Variants in TRAPPC10 observed in about 807,000 individuals in gnomAD.
The protein encoded by TRAPPC10 is TRAPP 130 kDa subunit.
TRAPPC10 carries 23 observed loss-of-function variants against 125.5 expected under a neutral mutation model. The observed-to-expected ratio is 0.18, with a 90% CI of 0.13 to 0.26. TRAPPC10 has a LOEUF of 0.26. Ranked by LOEUF, TRAPPC10 falls within the 10% of genes least tolerant of loss-of-function variation. TRAPPC10 has a pLI of 1.00. For synonymous variants in TRAPPC10, 509 were observed against 518.0 expected (o/e 0.98, Z 0.24); for missense variants, 1,123 against 1,308.4 (o/e 0.86, Z 2.19).
chr21:44,055,592 A>AG (rs2035528572), intron 4 of TRAPPC10, 106 bp from the exon 5 acceptor site: 4 of 887,956 alleles, frequency 4.5e-6, no homozygotes, highest in Middle Eastern at 3.9e-4. Flanking sequence ...AAAAAAAAAA[A>AG]AGGAGGAGGA....
In TRAPPC10 at chr21:44,062,250, A is replaced by G. The variant is rs1048522828; in HGVS notation, c.791-1288A>G. Among the ~76,000 whole-genome samples the G allele has an allele frequency of 3.3e-5, 5 of 152,266 alleles. No homozygotes were observed. In the East Asian group the frequency reaches 9.6e-4, roughly 29 times the overall value. Reference sequence around the variant, plus strand: ...TTCGTTTTTGTTCTTTCATTCAACAAATACTTACTGAGGGACCACCATGTG... The same window carrying G: ...TTCGTTTTTGTTCTTTCATTCAACAGATACTTACTGAGGGACCACCATGTG... On this transcript the variant is annotated intron_variant, in intron 6 of 22. Coordinates refer to ENST00000291574, the MANE Select transcript of TRAPPC10 (RefSeq NM_003274.5).
chr21:44,076,667 A>G, intron 10 of TRAPPC10, 39 bp downstream of exon 10: 1 of 1,532,362 alleles, frequency 6.5e-7, no homozygotes. Context: ...TTCTGTGAAT[A>G]CCTGTCTCTA....
intron 1 of TRAPPC10, among the ~76,000 whole-genome samples, chr21:44,021,659 C>T (rs2032514533): frequency 6.6e-6 from 1 of 152,166 alleles, no homozygotes; most frequent in Non-Finnish European, 1.5e-5. Flanking sequence ...ATTTGTGTCC[C>T]TCCCTACACA....
chr21:44,082,839 A>G lies in TRAPPC10; in HGVS notation c.1775A>G (p.His592Arg), dbSNP rs768481160. ...TCCTTTGCACAACTGCGAGATCTCC[A>G]TTTTGATCCCTCCAATGCCGTGGTC... ...MHSFAQLRDL[H>R]FDPSNAVVHV... is the part of the protein sequence containing the mutation. The change falls in exon 14 of 23, where the codon CAT (histidine) becomes CGT (arginine). Residue 592 changes from histidine to arginine, a missense_variant. Coordinates refer to ENST00000291574, the MANE Select transcript of TRAPPC10 (RefSeq NM_003274.5). The surrounding 1 kb of genome is among the most constrained non-coding windows in gnomAD (Gnocchi z 4.4). 1 of 1,613,996 alleles carries G rather than the reference A, an allele frequency of 6.2e-7. No homozygotes were observed. The highest frequency in any genetic ancestry group is 8.5e-7 in the Non-Finnish European group (1 of 1,180,010).
chr21:44,087,604 C>A lies in TRAPPC10; in HGVS notation c.2540-95C>A. The A allele has an allele frequency of 9.2e-7, 1 of 1,084,086 alleles. No homozygotes were observed. Among genetic ancestry groups the A allele is most frequent in the Non-Finnish European group, 1.4e-6 (1 of 726,568 alleles). The allele number at this position is 1,084,086 out of a possible 1,614,324, so 67.2% of individuals were successfully genotyped here. A position where few individuals can be genotyped will look rare whatever the true frequency, so the allele number is the denominator to read the frequency against. ...GTGCGCAGGAGCGGGAGAGGTTGAG[C>A]AGTGGCCTCACTGCTGGGCCATCAC... On this transcript the variant is annotated intron_variant, in intron 16 of 22. Transcript: ENST00000291574. This position sits in a 1 kb window ranked among gnomAD's most constrained non-coding sequence, Gnocchi z 4.6.
chr21:44,030,458 T>C (rs2033476416), intron 1 of TRAPPC10, among the ~76,000 whole-genome samples: 1 of 152,040 alleles, frequency 6.6e-6, no homozygotes, highest in African/African-American at 2.4e-5. Context: ...TTTATTGATG[T>C]CTTTTCTTTC....
At chr21:44,056,289 A>C (rs1047354107) in intron 5 of TRAPPC10, among the ~76,000 whole-genome samples, 1 of 152,220 alleles carries the variant, frequency 6.6e-6, no homozygotes, top group Admixed American at 6.5e-5. Context: ...TTAAACGCAG[A>C]AGGAAAGAAA....
intron 4 of TRAPPC10, among the ~76,000 whole-genome samples, chr21:44,053,063 G>A (rs2035333039): frequency 6.6e-6 from 1 of 152,028 alleles, no homozygotes; most frequent in Non-Finnish European, 1.5e-5. Flanking sequence ...CCGATGGTCT[G>A]TATCTCGTAG....
intron 7 of TRAPPC10, among the ~76,000 whole-genome samples, chr21:44,072,975 G>A (rs527901913): frequency 1.3e-5 from 2 of 152,316 alleles, no homozygotes; most frequent in East Asian, 3.9e-4. Flanking sequence ...CTCATCAATC[G>A]GAGGGACACG....
chr21:44,067,702 A>G (rs1003812749), intron 7 of TRAPPC10, among the ~76,000 whole-genome samples: 4 of 152,164 alleles, frequency 2.6e-5, no homozygotes, highest in South Asian at 4.1e-4. Flanking sequence ...GTCTGCACAC[A>G]GGGGACTGTA....
rs151119599 is a variant in TRAPPC10, at chr21:44,089,844, C to T, written c.2781C>T (p.Asp927=). The T allele has an allele frequency of 1.4e-5, 23 of 1,613,624 alleles. No homozygotes were observed. In the African/African-American group the frequency reaches 2.5e-4, roughly 18 times the overall value. Reference sequence around the variant, plus strand: ...TGCTTCCTCCTCAGGTGTCGATTGACTGCCCGTGGTCCATCTACTCCACAG... The same window carrying T: ...TGCTTCCTCCTCAGGTGTCGATTGATTGCCCGTGGTCCATCTACTCCACAG... ...MVTTDHKVSI[D]CPWSIYSTVI... Residue 927 remains aspartate, a synonymous_variant, in exon 18 of 23, where the codon GAC becomes GAT. Transcript: ENST00000291574.
intron 1 of TRAPPC10, among the ~76,000 whole-genome samples, chr21:44,017,272 CA>C (rs1175010069): frequency 6.6e-6 from 1 of 152,192 alleles, no homozygotes; most frequent in African/African-American, 2.4e-5. Flanking sequence ...AGCATGGTTA[CA>C]AACCATTCCA....
At chr21:44,037,982 G>C in intron 3 of TRAPPC10, 55 bp downstream of exon 3, 1 of 1,593,168 alleles carries the variant, frequency 6.3e-7, no homozygotes, top group Non-Finnish European at 8.6e-7. Flanking sequence ...GAGATGCGTG[G>C]AGAGTGCTGT....
chr21:44,082,778 C>G lies in TRAPPC10; in HGVS notation c.1724-10C>G. ...CTTGGGGAGTCACTTACGATAATGT[C>G]TATTTACAGGTCATAAGATAGTGCT... On this transcript the variant is annotated splice_polypyrimidine_tract_variant and intron_variant, in intron 13 of 22. Transcript: ENST00000291574. The surrounding 1 kb of genome is among the most constrained non-coding windows in gnomAD (Gnocchi z 4.4). The G allele has an allele frequency of 1.9e-6, 3 of 1,612,368 alleles. No homozygotes were observed. The highest frequency in any genetic ancestry group is 2.5e-6 in the Non-Finnish European group (3 of 1,178,720).
At chr21:44,034,010 A>G (rs923779448) in intron 2 of TRAPPC10, among the ~76,000 whole-genome samples, 1 of 152,232 alleles carries the variant, frequency 6.6e-6, no homozygotes, top group South Asian at 2.1e-4. Flanking sequence ...AAATCACCCT[A>G]AAGAACTAAA....
In TRAPPC10 at chr21:44,079,977, G is replaced by A. The variant is rs1302637049; in HGVS notation, c.1611-38G>A. 3 of 1,574,892 alleles carry A rather than the reference G, an allele frequency of 1.9e-6. No individual in the cohort carries two copies. The African/African-American group carries it at 4.1e-5, about 21-fold the overall frequency. ...CATCCACTTCCCCCCGCACTCCTAA[G>A]TATGAGCCTCTCCACGCTCCTTACC... On this transcript the variant is annotated intron_variant, in intron 12 of 22. Coordinates refer to ENST00000291574, the MANE Select transcript of TRAPPC10 (RefSeq NM_003274.5).
intron 5 of TRAPPC10, among the ~76,000 whole-genome samples, chr21:44,056,510 G>A (rs2145865838): frequency 6.6e-6 from 1 of 152,310 alleles, no homozygotes; most frequent in South Asian, 2.1e-4. Context: ...GAAATGATAA[G>A]GCCGCTTCTG....
In TRAPPC10 at chr21:44,082,854, A is replaced by G; in HGVS notation, c.1790A>G (p.Asn597Ser). 9 of 1,614,054 alleles carry G rather than the reference A, an allele frequency of 5.6e-6. No homozygotes were observed. Among genetic ancestry groups the G allele is most frequent in the Non-Finnish European group, 7.6e-6 (9 of 1,180,018 alleles). The change falls in exon 14 of 23, where the codon AAT becomes AGT. Residue 597 changes from asparagine (N) to serine (S), a missense_variant. Around this residue, in one of 4 missense-constraint regions of TRAPPC10, gnomAD observed 840 missense variants for 902.0 expected, o/e 0.93. Coordinates refer to ENST00000291574, the MANE Select transcript of TRAPPC10 (RefSeq NM_003274.5). This position sits in a 1 kb window ranked among gnomAD's most constrained non-coding sequence, Gnocchi z 4.4. ...CGAGATCTCCATTTTGATCCCTCCA[A>G]TGCCGTGGTCCACGTGGGCGGCGTT... ...QLRDLHFDPSNAVVHVGGVLC... is the reference protein window; with the variant it reads ...QLRDLHFDPSSAVVHVGGVLC...
In TRAPPC10 at chr21:44,059,210, C is replaced by G; in HGVS notation, c.786C>G (p.Ala262=). 1 of 1,604,140 alleles carries G rather than the reference C, an allele frequency of 6.2e-7. No individual in the cohort carries two copies. The highest frequency in any genetic ancestry group is 8.5e-7 in the Non-Finnish European group (1 of 1,175,920). ...CTCAGTATGTGGTCAACTTCGGGGCCGGGGGTGAGTAGTGGCACTTCAGTA... is the reference window on the plus strand; with the variant it reads ...CTCAGTATGTGGTCAACTTCGGGGCGGGGGGTGAGTAGTGGCACTTCAGTA... ...LFSQYVVNFG[A]GDGANWLTFF... Residue 262 remains alanine (A), a synonymous_variant, in exon 6 of 23, where the codon GCC becomes GCG. Transcript: ENST00000291574. The surrounding 1 kb of genome is among the most constrained non-coding windows in gnomAD (Gnocchi z 4.4).
Sources: gnomAD v4.1 joint callset for allele counts (sites outside exome capture counted in the v4.1 genomes callset) on GRCh38, gnomAD v4.1.1 for gene constraint, gnomAD v4.1.1 regional missense constraint, Gnocchi (gnomAD v3.1) non-coding constraint, MANE v1.5 for transcripts, NCBI Gene and HGNC (gene_info 2026-07-23, HGNC 2026-07-21) for gene names.